The following PDZRN4 variants were observed in gnomAD, a reference collection of about 807,000 sequenced individuals.
The protein encoded by PDZRN4 is PDZ domain containing ring finger 4.
A neutral mutation model predicts 99.0 loss-of-function variants in PDZRN4; 70 were observed. The ratio of observed to expected loss-of-function variants is 0.71; its 90% CI spans 0.58 to 0.86. The LOEUF (loss-of-function observed/expected upper bound fraction) is 0.86, where lower values mean the gene tolerates loss of function less well. PDZRN4 is among the 40% of genes least tolerant of loss of function. The probability of loss-of-function intolerance (pLI) is 0.00; values close to 1 mark genes in which losing one functional copy is unlikely to be tolerated. For missense variants in PDZRN4, 1,474 were observed against 1,331.2 expected, an observed-to-expected ratio of 1.11 and a Z score of -1.67; for synonymous variants, 551 against 501.6, an observed-to-expected ratio of 1.10 and a Z score of -1.32.
At chr12:41,268,419 C>G (rs1350588134) in intron 3 of PDZRN4, among the ~76,000 whole-genome samples, 1 of 152,220 alleles carries the variant, frequency 6.6e-6, no homozygotes, top group African/African-American at 2.4e-5. Context: ...AGCAAGACAA[C>G]AGAGATGGCA....
At chr12:41,210,674 T>C (rs1950882440) in intron 3 of PDZRN4, among the ~76,000 whole-genome samples, 1 of 151,986 alleles carries the variant, frequency 6.6e-6, no homozygotes, top group Non-Finnish European at 1.5e-5. Context: ...ACTATTTCTT[T>C]TGGAGGAGAA....
At chr12:41,460,149 T>C in intron 3 of PDZRN4, 1 of 1,082,800 alleles carries the variant, frequency 9.2e-7, no homozygotes, top group Non-Finnish European at 1.2e-6. Context: ...TACTGTTACC[T>C]TTTTATGTAT....
chr12:41,224,477 A>G (rs1950980115), intron 3 of PDZRN4, among the ~76,000 whole-genome samples: 3 of 152,182 alleles, frequency 2.0e-5, no homozygotes, highest in African/African-American at 7.2e-5. Context: ...TTTCCTGTGC[A>G]TGACACTTGA....
intron 5 of PDZRN4, among the ~76,000 whole-genome samples, chr12:41,531,017 C>A (rs1938651663): frequency 6.6e-6 from 1 of 152,054 alleles, no homozygotes; most frequent in Non-Finnish European, 1.5e-5. Flanking sequence ...GCTCCTGAAG[C>A]CCCAGTGGGC....
intron 3 of PDZRN4, among the ~76,000 whole-genome samples, chr12:41,352,347 A>G (rs1328305783): frequency 8.5e-5 from 13 of 152,256 alleles, no homozygotes; most frequent in African/African-American, 2.9e-4. Flanking sequence ...GAACAGACTT[A>G]AGCATGTCAG....
At chr12:41,411,631 G>T (rs895561607) in intron 3 of PDZRN4, 2 of 152,144 alleles carry the variant, frequency 1.3e-5, no homozygotes, top group African/African-American at 4.8e-5. Flanking sequence ...GCAAATTCTG[G>T]CTTATTTGAT....
chr12:41,555,716 G>C lies in PDZRN4; in HGVS notation c.1321G>C (p.Ala441Pro). Reference sequence around the variant, plus strand: ...ATTACAGGTTGACCCAAATAGCATTGCTGCCAAAGACGGCCGGATTCGAGA... The same window carrying C: ...ATTACAGGTTGACCCAAATAGCATTCCTGCCAAAGACGGCCGGATTCGAGA... Reference protein sequence around the residue: ...YVSEVDPNSIAAKDGRIREGD... With the variant: ...YVSEVDPNSIPAKDGRIREGD... Residue 441 changes from alanine to proline, a missense_variant, in exon 7 of 10, where the codon GCT (alanine) becomes CCT (proline). Transcript: ENST00000402685. The C allele has an allele frequency of 6.2e-7, 1 of 1,614,006 alleles. No individual in the cohort carries two copies. Among genetic ancestry groups the C allele is most frequent in the Non-Finnish European group, 8.5e-7 (1 of 1,179,926 alleles).
intron 3 of PDZRN4, among the ~76,000 whole-genome samples, chr12:41,361,029 G>A (rs10785256): frequency 0.37 from 55,319 of 151,314 alleles, 10,192 homozygotes; most frequent in Non-Finnish European, 0.39. Context: ...ATATACAAAT[G>A]CATGCTTACA....
intron 3 of PDZRN4, among the ~76,000 whole-genome samples, chr12:41,265,778 C>T (rs1213206288): frequency 6.6e-6 from 1 of 151,990 alleles, no homozygotes; most frequent in Admixed American, 6.6e-5. Flanking sequence ...GTAAAGGATA[C>T]TATTATCAAT....
intron 3 of PDZRN4, among the ~76,000 whole-genome samples, chr12:41,195,051 CTT>C (rs58245871): frequency 0.012 from 1,873 of 151,970 alleles, 41 homozygotes; most frequent in African/African-American, 0.042. Flanking sequence ...GGTGAGAACT[CTT>C]TGTATGTTTT....
intron 5 of PDZRN4, among the ~76,000 whole-genome samples, chr12:41,512,869 A>G (rs1469373687): frequency 6.6e-6 from 1 of 152,076 alleles, no homozygotes; most frequent in African/African-American, 2.4e-5. Context: ...TGACATTTTA[A>G]TGGCAAAATA....
At chr12:41,435,312 T>C (rs957819609) in intron 3 of PDZRN4, among the ~76,000 whole-genome samples, 8 of 152,230 alleles carry the variant, frequency 5.3e-5, no homozygotes, top group Admixed American at 3.9e-4. Flanking sequence ...AAATGCAAAC[T>C]GCATTTACAG....
At chr12:41,385,672 GT>G (rs1238649012) in intron 3 of PDZRN4, among the ~76,000 whole-genome samples, 13 of 152,120 alleles carry the variant, frequency 8.5e-5, no homozygotes, top group African/African-American at 3.1e-4. Context: ...AATTTAGTTA[GT>G]AATAAGTAGC....
chr12:41,523,524 C>A (rs1325589063), intron 5 of PDZRN4, among the ~76,000 whole-genome samples: 1 of 152,062 alleles, frequency 6.6e-6, no homozygotes, highest in African/African-American at 2.4e-5. Flanking sequence ...CATTGCTCAG[C>A]AAATATTTAT....
At chr12:41,528,068 A>G (rs1938599815) in intron 5 of PDZRN4, among the ~76,000 whole-genome samples, 1 of 152,242 alleles carries the variant, frequency 6.6e-6, no homozygotes, top group African/African-American at 2.4e-5. Flanking sequence ...TTTAGCAAAA[A>G]GGGTAGTAAA....
At chr12:41,263,876 T>C (rs1441734605) in intron 3 of PDZRN4, among the ~76,000 whole-genome samples, 2 of 152,118 alleles carry the variant, frequency 1.3e-5, no homozygotes, top group African/African-American at 2.4e-5. Flanking sequence ...GCTCCTCCTT[T>C]CCCCTTGTAT....
intron 4 of PDZRN4, among the ~76,000 whole-genome samples, chr12:41,509,101 A>G (rs1938260687): frequency 6.6e-6 from 1 of 152,170 alleles, no homozygotes; most frequent in Non-Finnish European, 1.5e-5. Context: ...TGAAATACAT[A>G]AAAGCCATAT....
rs565275133 is a variant in PDZRN4, at chr12:41,557,646, C to T, written c.1365+1886C>T. Among the ~76,000 whole-genome samples, 22 of 152,190 alleles carry T rather than the reference C, an allele frequency of 1.4e-4. No individual in the cohort carries two copies. In the Middle Eastern group the frequency reaches 0.017, roughly 118 times the overall value. ...TCATGGAATCACACCATCTCCTCAC[C>T]GCCTGTTCTTCCTCTAGCTAGATAG... On this transcript the variant is annotated intron_variant, in intron 7 of 9. Transcript: ENST00000402685.
chr12:41,258,632 A>G (rs1591987911), intron 3 of PDZRN4, among the ~76,000 whole-genome samples: 1 of 152,210 alleles, frequency 6.6e-6, no homozygotes, highest in Non-Finnish European at 1.5e-5. Flanking sequence ...AACTACATAT[A>G]ATTTATGTAT....
Sources: allele counts gnomAD v4.1 joint callset (sites outside exome capture counted in the v4.1 genomes callset), GRCh38; gene constraint gnomAD v4.1.1; transcripts MANE v1.5; gene names NCBI Gene and HGNC (gene_info 2026-07-23, HGNC 2026-07-21).